Variants in ZNF90 observed in about 807,000 individuals in gnomAD.
ZNF90 encodes the protein zinc finger protein HTF9.
Under a neutral mutation model 12.0 loss-of-function variants are expected in ZNF90, and 11 were observed. The ratio of observed to expected loss-of-function variants is 0.92; its 90% CI spans 0.58 to 1.52. ZNF90 has a LOEUF of 1.52. Ranked by LOEUF, ZNF90 falls within the 40% of genes most tolerant of loss-of-function variation. The probability of loss-of-function intolerance (pLI) is 0.00; values close to 1 mark genes in which losing one functional copy is unlikely to be tolerated. For synonymous variants in ZNF90, 232 were observed against 240.1 expected (o/e 0.97, Z 0.31); for missense variants, 765 against 711.5 (o/e 1.08, Z -0.86).
Position 20,106,970 on chromosome 19 carries a change from G to A in ZNF90, c.226+1654G>A, listed in dbSNP as rs560498861. On this transcript the variant is annotated intron_variant, in intron 3 of 3. Coordinates refer to ENST00000418063, the MANE Select transcript of ZNF90 (RefSeq NM_007138.2). Reference sequence around the variant, plus strand: ...CAGGCTGAATATCCTTCAGGACTTTGCTCTGTAGGGCAGACACTAGGGCAT... The same window carrying A: ...CAGGCTGAATATCCTTCAGGACTTTACTCTGTAGGGCAGACACTAGGGCAT... 2.5e-4 allele frequency: 113 copies of A among 454,546 alleles called. 1 individual carries two copies. The highest frequency in any genetic ancestry group is 1.8e-3 in the South Asian group (113 of 64,458). The allele number at this position is 454,546 out of a possible 1,614,324, so 28.2% of individuals were successfully genotyped here.
intron 3 of ZNF90, among the ~76,000 whole-genome samples, chr19:20,110,352 C>A (rs138709927): frequency 0.065 from 9,897 of 151,942 alleles, 395 homozygotes; most frequent in South Asian, 0.18. Context: ...GATCTTGGCT[C>A]ACTGCAACCC....
At chr19:20,117,397 C>CCTTCCT (rs2089148258) in intron 3 of ZNF90, among the ~76,000 whole-genome samples, 9 of 91,396 alleles carry the variant, frequency 9.8e-5, no homozygotes, top group African/African-American at 6.3e-4. Context: ...CTTTTCTTTT[C>CCTTCCT]TCCTTCCTTC....
At chr19:20,097,942 T>G (rs1166181525) in intron 1 of ZNF90, among the ~76,000 whole-genome samples, 1 of 152,210 alleles carries the variant, frequency 6.6e-6, no homozygotes, top group Non-Finnish European at 1.5e-5. Context: ...ATAAACAACT[T>G]TGTGTCAGCC....
chr19:20,114,159 C>T (rs2089116259), intron 3 of ZNF90, among the ~76,000 whole-genome samples: 2 of 152,170 alleles, frequency 1.3e-5, no homozygotes, highest in South Asian at 4.2e-4. Flanking sequence ...AGTGTGTTGG[C>T]ATGCACCTGT....
intron 1 of ZNF90, among the ~76,000 whole-genome samples, chr19:20,087,894 G>C (rs1849705420): frequency 6.6e-6 from 1 of 152,238 alleles, no homozygotes; most frequent in Admixed American, 6.5e-5. Context: ...GGGTCGCAAG[G>C]TGCTCAGTGG....
chr19:20,098,876 T>A (rs1188881266), intron 1 of ZNF90, among the ~76,000 whole-genome samples: 1 of 152,188 alleles, frequency 6.6e-6, no homozygotes, highest in African/African-American at 2.4e-5. Context: ...TGAGAGTTTC[T>A]CCAGTTTCCT....
intron 1 of ZNF90, among the ~76,000 whole-genome samples, chr19:20,097,147 C>CA (rs1271028843): frequency 6.6e-6 from 1 of 152,184 alleles, no homozygotes; most frequent in Non-Finnish European, 1.5e-5. Context: ...ATGCATGTCA[C>CA]ACTTAATTGT....
At chr19:20,113,481 C>T (rs1298392694) in intron 3 of ZNF90, among the ~76,000 whole-genome samples, 5 of 151,992 alleles carry the variant, frequency 3.3e-5, no homozygotes, top group East Asian at 2.0e-4. Context: ...CGTAAGCCAC[C>T]GCACGCAGCT....
intron 1 of ZNF90, chr19:20,079,760 G>T: frequency 4.5e-6 from 1 of 220,266 alleles, no homozygotes. Flanking sequence ...CTTAAGAAAA[G>T]TTTCATTGAG....
intron 1 of ZNF90, chr19:20,079,872 T>A (rs1464621774): frequency 4.9e-6 from 2 of 412,172 alleles, no homozygotes; most frequent in African/African-American, 2.1e-5. Flanking sequence ...GAAGCTGCCC[T>A]GCTGGAACTG....
chr19:20,097,184 T>C (rs2122496377), intron 1 of ZNF90, among the ~76,000 whole-genome samples: 1 of 152,340 alleles, frequency 6.6e-6, no homozygotes, highest in Admixed American at 6.5e-5. Context: ...CTTTCTGTAC[T>C]ATTATTGTGG....
rs2122531880 is a variant in ZNF90 at position 20,118,323 on chromosome 19, T to C, written c.769T>C (p.Tyr257His). ...GAGAATTCATACTGGAGAGAAACGGTACAAATGTGAAGATTGTGGCAAAGA... is the reference window on the plus strand; with the variant it reads ...GAGAATTCATACTGGAGAGAAACGGCACAAATGTGAAGATTGTGGCAAAGA... ...HKRIHTGEKR[Y>H]KCEDCGKELK... The change falls in exon 4 of 4, where the codon TAC (tyrosine) becomes CAC (histidine). Residue 257 changes from tyrosine (Y) to histidine (H), a missense_variant. Physicochemically the swap from Tyr to His is moderately conservative, Grantham distance 83. Transcript: ENST00000418063. 1 of 1,562,268 alleles carries C rather than the reference T, an allele frequency of 6.4e-7. No homozygotes were observed. The highest frequency in any genetic ancestry group is 1.4e-5 in the African/African-American group (1 of 73,390).
At chr19:20,097,488 T>C (rs782040928) in intron 1 of ZNF90, among the ~76,000 whole-genome samples, 8 of 152,220 alleles carry the variant, frequency 5.3e-5, no homozygotes, top group Non-Finnish European at 4.4e-5. Context: ...TTATTTTACC[T>C]CTTTGACTCT....
chr19:20,097,448 T>C (rs1439751103), intron 1 of ZNF90, among the ~76,000 whole-genome samples: 1 of 152,200 alleles, frequency 6.6e-6, no homozygotes, highest in Non-Finnish European at 1.5e-5. Flanking sequence ...CTAGATCAGA[T>C]TTCTATAAAT....
At chr19:20,096,246 T>C (rs1250321360) in intron 1 of ZNF90, among the ~76,000 whole-genome samples, 1 of 152,154 alleles carries the variant, frequency 6.6e-6, no homozygotes, top group African/African-American at 2.4e-5. Context: ...CCTGAGGTCA[T>C]AGGTGAATCT....
At chr19:20,094,612 T>C (rs1438607654) in intron 1 of ZNF90, among the ~76,000 whole-genome samples, 2 of 152,230 alleles carry the variant, frequency 1.3e-5, no homozygotes, top group African/African-American at 2.4e-5. Flanking sequence ...CTCGGGGAAC[T>C]GCTCTAATGC....
At chr19:20,108,507 G>A (rs1277892479) in intron 3 of ZNF90, among the ~76,000 whole-genome samples, 3 of 151,940 alleles carry the variant, frequency 2.0e-5, no homozygotes, top group Admixed American at 2.0e-4. Context: ...ATGAGGATGG[G>A]GTTTCACCAC....
At position 20,079,364 on chromosome 19, in the gene ZNF90, G is replaced by C. The variant is rs571104438; in HGVS notation, c.3+1229G>C. ...AGGCAGATGCAGTTAAGATTAAGAT[G>C]AAAGGAAACTGGATGGGTCTTACTG... On this transcript the variant is annotated intron_variant, in intron 1 of 3. Transcript: ENST00000418063. Among the ~76,000 whole-genome samples the C allele has an allele frequency of 7.9e-4, 118 of 149,982 alleles. 1 individual carries two copies. Among genetic ancestry groups the C allele is most frequent in the African/African-American group, 2.6e-3 (108 of 40,816 alleles).
At chr19:20,097,349 C>G (rs1215314213) in intron 1 of ZNF90, among the ~76,000 whole-genome samples, 2 of 152,204 alleles carry the variant, frequency 1.3e-5, no homozygotes, top group African/African-American at 2.4e-5. Flanking sequence ...TTGTGCAGCA[C>G]AGTGCACGCT....
Sources: gnomAD v4.1 joint callset for allele counts (sites outside exome capture counted in the v4.1 genomes callset) on GRCh38, gnomAD v4.1.1 for gene constraint, MANE v1.5 for transcripts, NCBI Gene and HGNC (gene_info 2026-07-23, HGNC 2026-07-21) for gene names.